Variants in PTPRD observed in about 807,000 individuals in gnomAD.
The protein encoded by PTPRD is receptor-type tyrosine-protein phosphatase delta.
In PTPRD, 34 loss-of-function variants were observed where a neutral mutation model predicts 214.5. That is an observed-to-expected ratio of 0.16 (90% CI 0.12 to 0.21). The LOEUF (loss-of-function observed/expected upper bound fraction) is 0.21. PTPRD is among the 10% of genes least tolerant of loss of function. The pLI is 1.00. For missense variants in PTPRD, 2,545 were observed against 2,398.7 expected (o/e 1.06, Z -1.27); for synonymous variants, 1,128 against 845.7 (o/e 1.33, Z -5.79).
At chr9:9,134,945 G>C (rs1004046433) in intron 10 of PTPRD, among the ~76,000 whole-genome samples, 1 of 152,120 alleles carries the variant, frequency 6.6e-6, no homozygotes, top group Non-Finnish European at 1.5e-5. Flanking sequence ...AGCAGACAGA[G>C]GTAAGGAACG....
chr9:10,078,079 A>AATTATT (rs1310796212), intron 3 of PTPRD, among the ~76,000 whole-genome samples: 7 of 151,398 alleles, frequency 4.6e-5, no homozygotes, highest in African/African-American at 1.7e-4. Context: ...AATTCCAAGG[A>AATTATT]CCCTGAGAAA....
rs542390221 is a variant in PTPRD, at chr9:10,317,458, C to CA, written c.-545+23504dup. ...GGCAGTTTTGAATACTTATATGGAG[C>CA]AAAAAAAGGAAAGTATAATGCCTGG... On this transcript the variant is annotated intron_variant, in intron 3 of 45. Transcript: ENST00000381196. Among the ~76,000 whole-genome samples the CA allele has an allele frequency of 9.7e-4, 146 of 150,906 alleles. 1 individual carries two copies. In the Middle Eastern group the frequency reaches 0.027, roughly 28 times the overall value.
chr9:10,191,600 G>A (rs190631189), intron 3 of PTPRD, among the ~76,000 whole-genome samples: 1 of 152,022 alleles, frequency 6.6e-6, no homozygotes, highest in Non-Finnish European at 1.5e-5. Flanking sequence ...TAAGTTTTTA[G>A]ATATCCCTAT....
At chr9:10,277,805 A>G (rs906925045) in intron 3 of PTPRD, among the ~76,000 whole-genome samples, 1 of 152,166 alleles carries the variant, frequency 6.6e-6, no homozygotes, top group Non-Finnish European at 1.5e-5. Context: ...TTCCCCAAGG[A>G]GATTCTGAGG....
intron 5 of PTPRD, among the ~76,000 whole-genome samples, chr9:9,889,023 G>A (rs1371257235): frequency 6.6e-6 from 1 of 152,070 alleles, no homozygotes; most frequent in Non-Finnish European, 1.5e-5. Flanking sequence ...GGTACAGAAA[G>A]ACAAACACTG....
intron 2 of PTPRD, among the ~76,000 whole-genome samples, chr9:10,427,115 T>C (rs2098629265): frequency 6.6e-6 from 1 of 151,836 alleles, no homozygotes; most frequent in African/African-American, 2.4e-5. Flanking sequence ...CTGAAGCAGA[T>C]AAAATGTAGA....
At chr9:10,558,485 C>G (rs1412076511) in intron 2 of PTPRD, among the ~76,000 whole-genome samples, 1 of 152,094 alleles carries the variant, frequency 6.6e-6, no homozygotes, top group Non-Finnish European at 1.5e-5. Flanking sequence ...TGAACCTTCT[C>G]TGACCCCTCT....
Position 9,167,711 on chromosome 9 carries a change from C to T in PTPRD, c.-143+15593G>A, listed in dbSNP as rs1387170289. 5.9e-5 allele frequency among the ~76,000 whole-genome samples: 9 copies of T among 152,104 alleles called. No individual in the cohort carries two copies. The East Asian group carries it at 7.8e-4, about 13-fold the overall frequency. On this transcript the variant is annotated intron_variant, in intron 10 of 45. Transcript: ENST00000381196. ...CAGAGGTTGTGGTGAGCCGAGATCGCGCCATTGCACTCCAGCCTAGGCAAT... is the reference window on the plus strand; with the variant it reads ...CAGAGGTTGTGGTGAGCCGAGATCGTGCCATTGCACTCCAGCCTAGGCAAT...
At chr9:9,901,277 C>T (rs7847260) in intron 5 of PTPRD, among the ~76,000 whole-genome samples, 35,892 of 152,010 alleles carry the variant, frequency 0.24, 4,732 homozygotes, top group East Asian at 0.47. Context: ...AATTATAAAA[C>T]AATTTTCAGA....
chr9:9,391,837 C>T (rs1347276466), intron 9 of PTPRD, among the ~76,000 whole-genome samples: 1 of 152,144 alleles, frequency 6.6e-6, no homozygotes, highest in Non-Finnish European at 1.5e-5. Context: ...GTTTCTTCTA[C>T]ACACCGTTTG....
At chr9:9,306,220 G>C (rs547179649) in intron 9 of PTPRD, among the ~76,000 whole-genome samples, 1 of 151,820 alleles carries the variant, frequency 6.6e-6, no homozygotes, top group South Asian at 2.1e-4. Flanking sequence ...TTTAAGGGCT[G>C]ATTTTCCAGT....
In PTPRD at chr9:9,339,417, A is replaced by C. The variant is rs553350929; in HGVS notation, c.-203+58032T>G. Among the ~76,000 whole-genome samples, 12 of 151,896 alleles carry C rather than the reference A, an allele frequency of 7.9e-5. No individual in the cohort carries two copies. In the East Asian group the frequency reaches 2.3e-3, roughly 29 times the overall value. On this transcript the variant is annotated intron_variant, in intron 9 of 45. Coordinates refer to ENST00000381196, the MANE Select transcript of PTPRD (RefSeq NM_002839.4). Reference sequence around the variant, plus strand: ...AGGAGAATGGTGTGAACCTGAGAGGAGGAGCTTGCAGTGAGCCGAGATCTC... The same window carrying C: ...AGGAGAATGGTGTGAACCTGAGAGGCGGAGCTTGCAGTGAGCCGAGATCTC...
At chr9:9,879,046 T>C (rs563722930) in intron 5 of PTPRD, among the ~76,000 whole-genome samples, 1 of 152,330 alleles carries the variant, frequency 6.6e-6, no homozygotes, top group East Asian at 1.9e-4. Flanking sequence ...AAATTTTTCA[T>C]TCAGTATTTT....
intron 2 of PTPRD, among the ~76,000 whole-genome samples, chr9:10,378,003 C>T (rs984716162): frequency 6.6e-6 from 1 of 151,914 alleles, no homozygotes; most frequent in African/African-American, 2.4e-5. Context: ...CCATAGTGGT[C>T]GTATTAATTT....
intron 35 of PTPRD, among the ~76,000 whole-genome samples, chr9:8,428,286 C>T (rs2094821937): frequency 6.6e-6 from 1 of 152,116 alleles, no homozygotes; most frequent in Admixed American, 6.5e-5. Flanking sequence ...TCTCCCACAC[C>T]CACCTCCAAT....
At chr9:10,504,112 T>G (rs2044974323) in intron 2 of PTPRD, among the ~76,000 whole-genome samples, 3 of 2,508 alleles carry the variant, frequency 1.2e-3, no homozygotes, top group South Asian at 0.029. Context: ...CGAGACTCTG[T>G]CTCAAAAAAA....
At chr9:10,003,232 C>A (rs190715349) in intron 4 of PTPRD, among the ~76,000 whole-genome samples, 3 of 151,488 alleles carry the variant, frequency 2.0e-5, no homozygotes, top group Non-Finnish European at 3.0e-5. Context: ...TAGTTATATG[C>A]CTAGAATACT....
intron 8 of PTPRD, among the ~76,000 whole-genome samples, chr9:9,476,689 G>C (rs1361620698): frequency 1.3e-5 from 2 of 152,092 alleles, no homozygotes; most frequent in African/African-American, 4.8e-5. Flanking sequence ...ATAGAAATCT[G>C]AAATTTTACA....
chr9:10,517,389 A>C (rs1284508069), intron 2 of PTPRD, among the ~76,000 whole-genome samples: 1 of 152,036 alleles, frequency 6.6e-6, no homozygotes, highest in East Asian at 1.9e-4. Context: ...TGTATCAACA[A>C]TGCAACTGAT....
Sources: allele counts gnomAD v4.1 joint callset (sites outside exome capture counted in the v4.1 genomes callset), GRCh38; gene constraint gnomAD v4.1.1; transcripts MANE v1.5; gene names NCBI Gene and HGNC (gene_info 2026-07-23, HGNC 2026-07-21).